Variants in ZBTB7C observed in about 807,000 individuals in gnomAD.
The protein encoded by ZBTB7C is zinc finger and BTB domain containing 7C, also known as zinc finger and BTB domain-containing protein 7C.
In ZBTB7C, 8 loss-of-function variants were observed where a neutral mutation model predicts 25.7. That is an observed-to-expected ratio of 0.31 (90% confidence interval 0.18 to 0.56). The LOEUF (loss-of-function observed/expected upper bound fraction) is 0.56, where lower values mean the gene tolerates loss of function less well. Among genes scored for constraint, ZBTB7C ranks in the 20% least tolerant of loss-of-function variants. The pLI is 0.91. For synonymous variants in ZBTB7C, 394 were observed against 369.0 expected (o/e 1.07, Z -0.78); for missense variants, 824 against 855.2 (o/e 0.96, Z 0.46).
At chr18:48,222,305 G>A (rs1259284576) in intron 2 of ZBTB7C, among the ~76,000 whole-genome samples, 1 of 152,190 alleles carries the variant, frequency 6.6e-6, no homozygotes, top group Non-Finnish European at 1.5e-5. Flanking sequence ...GCTAAGGTGT[G>A]CTCCCTGCTC....
chr18:48,201,334 G>T lies in ZBTB7C; in HGVS notation c.-78-15339C>A, dbSNP rs191167042. Among the ~76,000 whole-genome samples, 48 of 152,310 alleles carry T rather than the reference G, an allele frequency of 3.2e-4. 1 individual carries two copies. The East Asian group carries it at 8.3e-3, about 26-fold the overall frequency. ...CATGCATGAATGCTGGGAAGCAAAG[G>T]TATAGCCCAGGATGTAAATCCAGGG... On this transcript the variant is annotated intron_variant, in intron 2 of 4. Transcript: ENST00000590800.
chr18:48,157,770 C>G (rs1164512891), intron 3 of ZBTB7C, among the ~76,000 whole-genome samples: 1 of 152,164 alleles, frequency 6.6e-6, no homozygotes, highest in East Asian at 1.9e-4. Context: ...GCTTAGAACA[C>G]CCGCTGGCAT....
intron 3 of ZBTB7C, among the ~76,000 whole-genome samples, chr18:48,174,582 G>A (rs2041607285): frequency 6.6e-6 from 1 of 152,202 alleles, no homozygotes; most frequent in Non-Finnish European, 1.5e-5. Context: ...AAACACACAT[G>A]CACAAGCATT....
chr18:48,067,396 C>T (rs898080121), intron 3 of ZBTB7C, among the ~76,000 whole-genome samples: 2 of 152,186 alleles, frequency 1.3e-5, no homozygotes. Context: ...TCTTACATGT[C>T]AACTTGGCTA....
At chr18:48,341,491 A>C (rs1187244575) in intron 1 of ZBTB7C, among the ~76,000 whole-genome samples, 1 of 152,256 alleles carries the variant, frequency 6.6e-6, no homozygotes, top group African/African-American at 2.4e-5. Context: ...AGGAGAGCGG[A>C]CAGGCTCCCA....
At chr18:48,146,531 G>T (rs1427399052) in intron 3 of ZBTB7C, among the ~76,000 whole-genome samples, 1 of 152,092 alleles carries the variant, frequency 6.6e-6, no homozygotes, top group Non-Finnish European at 1.5e-5. Context: ...AATGCAAAAT[G>T]ATATATTCAT....
chr18:48,142,947 C>T (rs571376030), intron 3 of ZBTB7C, among the ~76,000 whole-genome samples: 1 of 152,284 alleles, frequency 6.6e-6, no homozygotes, highest in Non-Finnish European at 1.5e-5. Flanking sequence ...CCACTCCAGG[C>T]TTTGGCTATA....
At chr18:48,175,244 T>C (rs2041631157) in intron 3 of ZBTB7C, among the ~76,000 whole-genome samples, 1 of 152,170 alleles carries the variant, frequency 6.6e-6, no homozygotes, top group Non-Finnish European at 1.5e-5. Context: ...TTTATGAACA[T>C]GGCATGGTGA....
chr18:48,262,901 C>T (rs958896752), intron 2 of ZBTB7C, among the ~76,000 whole-genome samples: 3 of 152,176 alleles, frequency 2.0e-5, no homozygotes, highest in Non-Finnish European at 4.4e-5. Context: ...GAGCCAAGAG[C>T]ACTGGCTGGG....
intron 3 of ZBTB7C, among the ~76,000 whole-genome samples, chr18:48,132,468 A>G (rs1171055240): frequency 6.6e-6 from 1 of 152,208 alleles, no homozygotes; most frequent in Non-Finnish European, 1.5e-5. Flanking sequence ...CTTTGGAGTA[A>G]TCAAGATACT....
chr18:48,239,787 G>A (rs1396996929), intron 2 of ZBTB7C, among the ~76,000 whole-genome samples: 1 of 152,044 alleles, frequency 6.6e-6, no homozygotes, highest in African/African-American at 2.4e-5. Context: ...AGTAATTCTG[G>A]TAATATGACA....
rs116689507 is a variant in ZBTB7C at position 48,348,051 on chromosome 18, G to A, written c.-303-9653C>T. Reference sequence around the variant, plus strand: ...ATGAGCCAAGACTGTAAAATAGCATGAGCCTTGCAAAATAATAACTACCAA... The same window carrying A: ...ATGAGCCAAGACTGTAAAATAGCATAAGCCTTGCAAAATAATAACTACCAA... On this transcript the variant is annotated intron_variant, in intron 1 of 4. Transcript: ENST00000590800. 9.1e-3 allele frequency among the ~76,000 whole-genome samples: 1,381 copies of A among 152,334 alleles called. 21 individuals carry two copies. Among genetic ancestry groups the A allele is most frequent in the African/African-American group, 0.03 (1,247 of 41,568 alleles).
In ZBTB7C at chr18:48,117,498, C is replaced by T. The variant is rs568457521; in HGVS notation, c.-17+68436G>A. ...TTGAAGTACTAGCTCAGCTACTTTC[C>T]TGCTATGTGACCTTAGGCAGGTTAC... On this transcript the variant is annotated intron_variant, in intron 3 of 4. Coordinates refer to ENST00000590800, the MANE Select transcript of ZBTB7C (RefSeq NM_001318841.2). Among the ~76,000 whole-genome samples the T allele has an allele frequency of 1.1e-3, 169 of 152,282 alleles. 1 individual carries two copies. Among genetic ancestry groups the T allele is most frequent in the African/African-American group, 3.9e-3 (162 of 41,556 alleles).
intron 3 of ZBTB7C, among the ~76,000 whole-genome samples, chr18:48,144,049 G>A (rs1442871720): frequency 6.6e-6 from 1 of 152,114 alleles, no homozygotes; most frequent in Non-Finnish European, 1.5e-5. Context: ...AGGCCGAGGT[G>A]GGCGGATCAC....
chr18:48,112,841 C>T (rs567996751), intron 3 of ZBTB7C, among the ~76,000 whole-genome samples: 10 of 152,262 alleles, frequency 6.6e-5, no homozygotes, highest in South Asian at 2.1e-4. Flanking sequence ...AGTGGGATTA[C>T]GTCCCTCTCT....
intron 1 of ZBTB7C, among the ~76,000 whole-genome samples, chr18:48,394,451 G>A (rs1465806304): frequency 5.3e-5 from 8 of 152,166 alleles, no homozygotes; most frequent in East Asian, 1.9e-4. Context: ...TGAGGGACCC[G>A]AACCAGGGAA....
At chr18:48,297,914 C>A (rs2045439606) in intron 2 of ZBTB7C, among the ~76,000 whole-genome samples, 1 of 152,108 alleles carries the variant, frequency 6.6e-6, no homozygotes, top group Admixed American at 6.5e-5. Context: ...ACATTATATG[C>A]CTATGGTAGT....
chr18:48,240,918 G>A (rs1254586860), intron 2 of ZBTB7C, among the ~76,000 whole-genome samples: 1 of 152,084 alleles, frequency 6.6e-6, no homozygotes, highest in Non-Finnish European at 1.5e-5. Flanking sequence ...GAATGGGTAA[G>A]AATTCACCAA....
At chr18:48,091,238 A>ATTTTTTTTTTTTTTTTTTTT (rs35051690) in intron 3 of ZBTB7C, among the ~76,000 whole-genome samples, 1 of 64,674 alleles carries the variant, frequency 1.5e-5, no homozygotes, top group Non-Finnish European at 2.7e-5. Flanking sequence ...TGCCCGGATA[A>ATTTTTTTTTTTTTTTTTTTT]TTTTTTTTTT....
Sources: gnomAD v4.1 joint callset for allele counts (sites outside exome capture counted in the v4.1 genomes callset) on GRCh38, gnomAD v4.1.1 for gene constraint, MANE v1.5 for transcripts, NCBI Gene and HGNC (gene_info 2026-07-23, HGNC 2026-07-21) for gene names.